ADARB2: variants seen among roughly 807,000 people sequenced by gnomAD.
ADARB2 encodes adenosine deaminase RNA specific B2 (inactive), also known as inactive double-stranded RNA-specific editase B2.
ADARB2 carries 25 observed loss-of-function variants against 62.2 expected under a neutral mutation model. The ratio of observed to expected loss-of-function variants is 0.40; its 90% CI spans 0.29 to 0.56. The LOEUF is 0.56. ADARB2 is among the 20% of genes least tolerant of loss of function. The probability of loss-of-function intolerance (pLI) is 0.43; values close to 1 mark genes in which losing one functional copy is unlikely to be tolerated. For synonymous variants in ADARB2, 572 were observed against 500.8 expected, an observed-to-expected ratio of 1.14 and a Z score of -1.90; for missense variants, 1,071 against 1,077.4, an observed-to-expected ratio of 0.99 and a Z score of 0.08.
At chr10:1,393,782 A>C (rs1254739969) in intron 1 of ADARB2, among the ~76,000 whole-genome samples, 1 of 152,232 alleles carries the variant, frequency 6.6e-6, no homozygotes, top group Non-Finnish European at 1.5e-5. Flanking sequence ...GCACAGATAC[A>C]GGTGGTCCTT....
intron 1 of ADARB2, among the ~76,000 whole-genome samples, chr10:1,466,101 C>T (rs1192440079): frequency 1.3e-5 from 2 of 152,254 alleles, no homozygotes; most frequent in Admixed American, 1.3e-4. Context: ...ACCTCCCGTC[C>T]ATCGGGTTAA....
chr10:1,303,627 A>G (rs1309832126), intron 3 of ADARB2, among the ~76,000 whole-genome samples: 1 of 151,540 alleles, frequency 6.6e-6, no homozygotes, highest in African/African-American at 2.4e-5. Context: ...GCAGCCAGAG[A>G]GAAGGGTCGG....
intron 8 of ADARB2, among the ~76,000 whole-genome samples, chr10:1,192,152 T>C (rs1388747688): frequency 6.6e-6 from 1 of 152,266 alleles, no homozygotes; most frequent in African/African-American, 2.4e-5. Flanking sequence ...GCCTACTATA[T>C]TTACAAGGTA....
At chr10:1,479,900 C>CCTCCATAGACGTGCTTTA (rs905717870) in intron 1 of ADARB2, among the ~76,000 whole-genome samples, 17 of 152,088 alleles carry the variant, frequency 1.1e-4, no homozygotes, top group Admixed American at 1.0e-3. Flanking sequence ...TCTTTGGGGC[C>CCTCCATAGACGTGCTTTA]CTCCATAGAC....
intron 1 of ADARB2, among the ~76,000 whole-genome samples, chr10:1,634,556 C>A (rs1290242922): frequency 6.6e-6 from 1 of 152,136 alleles, no homozygotes; most frequent in Non-Finnish European, 1.5e-5. Context: ...AGGTTAGGGT[C>A]ACTCCAGGTG....
At chr10:1,434,682 C>T (rs1053575652) in intron 1 of ADARB2, among the ~76,000 whole-genome samples, 4 of 152,182 alleles carry the variant, frequency 2.6e-5, no homozygotes, top group African/African-American at 9.7e-5. Context: ...AGGGTAATCA[C>T]CCCGGCACCT....
At chr10:1,407,965 T>C (rs1260450855) in intron 1 of ADARB2, among the ~76,000 whole-genome samples, 1 of 152,230 alleles carries the variant, frequency 6.6e-6, no homozygotes, top group East Asian at 1.9e-4. Flanking sequence ...ATAGAAAATA[T>C]AAAAATATAC....
rs143333124 is a variant in ADARB2 at position 1,296,504 on chromosome 10, C to T, written c.1078-25435G>A. On this transcript the variant is annotated intron_variant, in intron 3 of 9. Transcript: ENST00000381312. The stretch of plus-strand genomic sequence containing the variant: ...CTGCCACATTGAGACACCTAACTGG[C>T]GGCAGAGAATTGAGGGACAGGCCTG... Among the ~76,000 whole-genome samples, 404 of 152,172 alleles carry T rather than the reference C, an allele frequency of 2.7e-3. 2 individuals are homozygous for T. Among genetic ancestry groups the T allele is most frequent in the African/African-American group, 9.5e-3 (393 of 41,504 alleles).
At chr10:1,534,418 A>C (rs1265265403) in intron 1 of ADARB2, among the ~76,000 whole-genome samples, 1 of 152,232 alleles carries the variant, frequency 6.6e-6, no homozygotes, top group East Asian at 1.9e-4. Flanking sequence ...GATTACAGGC[A>C]TGAGCCACCG....
At chr10:1,680,860 T>C (rs1435341645) in intron 1 of ADARB2, among the ~76,000 whole-genome samples, 11 of 151,952 alleles carry the variant, frequency 7.2e-5, no homozygotes, top group Admixed American at 7.2e-4. Flanking sequence ...AAATAAAAAC[T>C]CTCCTTTTAT....
chr10:1,272,367 AAGAT>A (rs1388749341), intron 3 of ADARB2, among the ~76,000 whole-genome samples: 1 of 152,232 alleles, frequency 6.6e-6, no homozygotes, highest in African/African-American at 2.4e-5. Context: ...AACGCTAAGA[AAGAT>A]AGACAGTTTT....
intron 2 of ADARB2, among the ~76,000 whole-genome samples, chr10:1,367,720 A>G (rs1367173317): frequency 6.6e-6 from 1 of 152,148 alleles, no homozygotes; most frequent in Non-Finnish European, 1.5e-5. Flanking sequence ...GTAATTTCTT[A>G]TTGATTTCTC....
Position 1,607,741 on chromosome 10 carries a change from G to C in ADARB2, c.100+129310C>G, listed in dbSNP as rs933848805. Among the ~76,000 whole-genome samples, 29 of 152,296 alleles carry C rather than the reference G, an allele frequency of 1.9e-4. 1 individual carries two copies. The highest frequency in any genetic ancestry group is 5.2e-4 in the Admixed American group (8 of 15,308). ...AGGGGACGTCACACGGCTGACTTCT[G>C]ACTCCAGGAGGCATCCGCCCAGTGC... On this transcript the variant is annotated intron_variant, in intron 1 of 9. Transcript: ENST00000381312.
chr10:1,598,773 G>C (rs763140033), intron 1 of ADARB2, among the ~76,000 whole-genome samples: 1 of 152,372 alleles, frequency 6.6e-6, no homozygotes, highest in Non-Finnish European at 1.5e-5. Context: ...AAGCCAGGGA[G>C]AGCCCTGGCC....
Position 1,230,162 on chromosome 10 carries a change from T to G in ADARB2, c.1513+3532A>C, listed in dbSNP as rs182126198. On this transcript the variant is annotated intron_variant, in intron 6 of 9. Coordinates refer to ENST00000381312, the MANE Select transcript of ADARB2 (RefSeq NM_018702.4). ...AAGGTCTCGGTGGAGGGGACTGAGC[T>G]CTCTGCACTCTGCGGCCTCTGCATT... Among the ~76,000 whole-genome samples the G allele has an allele frequency of 1.8e-4, 28 of 151,978 alleles. No homozygotes were observed. In the East Asian group the frequency reaches 5.4e-3, roughly 30 times the overall value.
At chr10:1,445,652 A>G (rs940772940) in intron 1 of ADARB2, among the ~76,000 whole-genome samples, 1 of 152,270 alleles carries the variant, frequency 6.6e-6, no homozygotes, top group Non-Finnish European at 1.5e-5. Context: ...GCTCTTAAAA[A>G]CTTATTTTTT....
At chr10:1,734,326 T>C (rs1187810444) in intron 1 of ADARB2, among the ~76,000 whole-genome samples, 1 of 145,030 alleles carries the variant, frequency 6.9e-6, no homozygotes, top group Non-Finnish European at 1.5e-5. Context: ...TAAAGATACA[T>C]ACAGCTGCCT....
intron 4 of ADARB2, among the ~76,000 whole-genome samples, chr10:1,259,844 C>CA (rs896042550): frequency 4.6e-5 from 7 of 152,100 alleles, no homozygotes; most frequent in East Asian, 3.9e-4. Context: ...AGAGACACAA[C>CA]AAAAAAAGAG....
At chr10:1,425,962 G>A (rs1013962824) in intron 1 of ADARB2, among the ~76,000 whole-genome samples, 1 of 152,184 alleles carries the variant, frequency 6.6e-6, no homozygotes, top group East Asian at 1.9e-4. Context: ...AGCTGAGCGG[G>A]TGAGGGCTAA....
Sources: gnomAD v4.1 joint callset for allele counts (sites outside exome capture counted in the v4.1 genomes callset) on GRCh38, gnomAD v4.1.1 for gene constraint, MANE v1.5 for transcripts, NCBI Gene and HGNC (gene_info 2026-07-23, HGNC 2026-07-21) for gene names.